RASSF5: variants seen among roughly 807,000 people sequenced by gnomAD.
RASSF5 encodes Ras association domain family member 5.
Under a neutral mutation model 40.5 loss-of-function variants are expected in RASSF5, and 25 were observed. The ratio of observed to expected loss-of-function variants is 0.62; its 90% CI spans 0.45 to 0.86. RASSF5 has a LOEUF of 0.86. RASSF5 is among the 40% of genes least tolerant of loss of function. The pLI, the probability that RASSF5 is intolerant of heterozygous loss-of-function variation, is 0.00. For missense variants in RASSF5, 521 were observed against 572.8 expected (o/e 0.91, Z 0.92); for synonymous variants, 246 against 252.4 (o/e 0.97, Z 0.24).
At chr1:206,554,951 AG>A (rs1667942873) in intron 2 of RASSF5, among the ~76,000 whole-genome samples, 1 of 152,228 alleles carries the variant, frequency 6.6e-6, no homozygotes, top group African/African-American at 2.4e-5. Flanking sequence ...GTAGGGAAAG[AG>A]ACATTAACTA....
rs1327192877 is a variant in RASSF5 at position 206,587,822 on chromosome 1, GA to G, written c.*847del. On this transcript the variant is annotated 3_prime_UTR_variant, in exon 6 of 6. Transcript: ENST00000579436. The stretch of plus-strand genomic sequence containing the variant: ...TTTAAAAAGTCTCCTGCTAAGTATG[GA>G]AATCAGACAGTAAGAGAAAGCCAAA... 6.6e-6 allele frequency: 1 copy of G among 152,494 alleles called. No homozygotes were observed. The highest frequency in any genetic ancestry group is 1.5e-5 in the Non-Finnish European group (1 of 68,068). 9.4% of individuals were successfully genotyped at this position (152,494 alleles called of 1,614,324 possible).
chr1:206,577,720 C>T (rs538671580), intron 2 of RASSF5, among the ~76,000 whole-genome samples: 70 of 152,342 alleles, frequency 4.6e-4, no homozygotes, highest in African/African-American at 1.6e-3. Flanking sequence ...ATCCAAGGCT[C>T]ACTGCACTGT....
intron 2 of RASSF5, among the ~76,000 whole-genome samples, chr1:206,554,661 C>A (rs1667935065): frequency 6.6e-6 from 1 of 152,132 alleles, no homozygotes; most frequent in Non-Finnish European, 1.5e-5. Context: ...TCCCTCTTAC[C>A]CTGGCCAAGC....
chr1:206,585,342 G>T (rs1553407407), intron 5 of RASSF5, 47 bp downstream of exon 5: 2 of 1,318,930 alleles, frequency 1.5e-6, no homozygotes, highest in South Asian at 2.4e-5. Flanking sequence ...GGCACCCTGG[G>T]TGGGTGCAGG....
chr1:206,514,972 T>G (rs1410358379), intron 1 of RASSF5, among the ~76,000 whole-genome samples: 1 of 152,222 alleles, frequency 6.6e-6, no homozygotes, highest in African/African-American at 2.4e-5. Flanking sequence ...GTAGAACTGA[T>G]GTAATCAGGG....
rs1553401111 is a variant in RASSF5, at chr1:206,552,127, G to GCACCAA, written c.579+13834_579+13835insCACCAA. Among the ~76,000 whole-genome samples, 6 of 152,194 alleles carry GCACCAA rather than the reference G, an allele frequency of 3.9e-5. No homozygotes were observed. The highest frequency in any genetic ancestry group is 1.2e-4 in the African/African-American group (5 of 41,438). On this transcript the variant is annotated intron_variant, in intron 2 of 5. Transcript: ENST00000579436. This position sits in a 1 kb window ranked among gnomAD's most constrained non-coding sequence, Gnocchi z 4.1. ...CCTGGCAGCCAATCAGAAGTGTGGT[G>GCACCAA]TGGGTTAGCACCGCTGAGAAAGTGA...
At chr1:206,541,371 T>A (rs988729299) in intron 2 of RASSF5, among the ~76,000 whole-genome samples, 5 of 152,176 alleles carry the variant, frequency 3.3e-5, no homozygotes, top group African/African-American at 1.2e-4. Flanking sequence ...ATCCCAAGGT[T>A]CTGTCTTGTC....
rs782714368 is a variant in RASSF5, at chr1:206,584,680, A to T, written c.984A>T (p.Gly328=). ...TTTTTAAGCGGATACACAAGGACGG[A>T]CAAGGTAGGAGAAAGAGTGAACCCA... The part of the protein sequence containing the change: ...FALFKRIHKD[G]QVLFQKLSIA... The change falls in exon 4 of 6, where the codon GGA becomes GGT. Residue 328 remains glycine (G), a synonymous_variant. Coordinates refer to ENST00000579436, the MANE Select transcript of RASSF5 (RefSeq NM_182663.4). This position sits in a 1 kb window ranked among gnomAD's most constrained non-coding sequence, Gnocchi z 4.9. 15 of 1,614,198 alleles carry T rather than the reference A, an allele frequency of 9.3e-6. No homozygotes were observed. The highest frequency in any genetic ancestry group is 3.3e-5 in the Admixed American group (2 of 60,014).
chr1:206,564,538 C>T (rs186711744), intron 2 of RASSF5, among the ~76,000 whole-genome samples: 1 of 152,278 alleles, frequency 6.6e-6, no homozygotes, highest in African/African-American at 2.4e-5. Flanking sequence ...GGTCTTATTG[C>T]ACACTGTCAG....
chr1:206,527,214 A>G (rs782200650), intron 1 of RASSF5, among the ~76,000 whole-genome samples: 20 of 152,152 alleles, frequency 1.3e-4, no homozygotes, highest in Non-Finnish European at 1.9e-4. Context: ...GTGTGTTTCA[A>G]GGGATCACAC....
At chr1:206,564,449 A>C (rs1480377658) in intron 2 of RASSF5, among the ~76,000 whole-genome samples, 1 of 152,172 alleles carries the variant, frequency 6.6e-6, no homozygotes, top group African/African-American at 2.4e-5. Context: ...ACAGTTTGGG[A>C]CACATAATAT....
chr1:206,526,089 G>T (rs1553397153), intron 1 of RASSF5, among the ~76,000 whole-genome samples: 2 of 152,154 alleles, frequency 1.3e-5, no homozygotes, highest in Non-Finnish European at 2.9e-5. Context: ...GAACCAAACT[G>T]GAGCTTGCTC....
chr1:206,586,119 CCT>C (rs1553407582), intron 5 of RASSF5: 2 of 152,412 alleles, frequency 1.3e-5, no homozygotes, highest in Admixed American at 1.3e-4. Flanking sequence ...CGCCACCTTC[CCT>C]GTGTGGACTT....
chr1:206,583,445 C>G (rs1422933722), intron 3 of RASSF5, 66 bp downstream of exon 3: 2 of 1,088,022 alleles, frequency 1.8e-6, no homozygotes, highest in Non-Finnish European at 2.8e-6. Context: ...GGCGCCTCTG[C>G]CCTCACTCTG....
intron 2 of RASSF5, among the ~76,000 whole-genome samples, chr1:206,570,770 G>T (rs1319040125): frequency 6.6e-6 from 1 of 152,032 alleles, no homozygotes; most frequent in Non-Finnish European, 1.5e-5. Flanking sequence ...CCATTGTATG[G>T]ACACAACACA....
chr1:206,516,769 T>A (rs1263058852), intron 1 of RASSF5, among the ~76,000 whole-genome samples: 2 of 152,170 alleles, frequency 1.3e-5, no homozygotes, highest in African/African-American at 4.8e-5. Context: ...GACTCATATT[T>A]TAAAGTTCCC....
At chr1:206,585,434 G>A (rs1466608517) in intron 5 of RASSF5, 139 bp downstream of exon 5, 15 of 675,000 alleles carry the variant, frequency 2.2e-5, no homozygotes, top group African/African-American at 2.1e-4. Flanking sequence ...GTGAGCAGGG[G>A]TGGGTGATGG....
At chr1:206,517,805 C>T (rs773773851) in intron 1 of RASSF5, among the ~76,000 whole-genome samples, 3 of 152,200 alleles carry the variant, frequency 2.0e-5, no homozygotes, top group Non-Finnish European at 4.4e-5. Context: ...AGGGTCACAT[C>T]CGCTTCTGCT....
chr1:206,535,695 GTGTGTGTCTGTGTGTGTGTGGTGTGT>G lies in RASSF5; in HGVS notation c.458-2476_458-2451del, dbSNP rs1667366587. On this transcript the variant is annotated intron_variant, in intron 1 of 5. Transcript: ENST00000579436. This position sits in a 1 kb window ranked among gnomAD's most constrained non-coding sequence, Gnocchi z 5.0. ...GGTGATGTTTTCAGGGTGTGTGTGTGTGTGTGTCTGTGTGTGTGTGGTGTGTGTGTGTGTGTGTGTGTGTGTGTGAG... is the reference window on the plus strand; with the variant it reads ...GGTGATGTTTTCAGGGTGTGTGTGTGGTGTGTGTGTGTGTGTGTGTGTGAG... Among the ~76,000 whole-genome samples, 2 of 119,310 alleles carry G rather than the reference GTGTGTGTCTGTGTGTGTGTGGTGTGT, an allele frequency of 1.7e-5. No homozygotes were observed. The highest frequency in any genetic ancestry group is 1.8e-4 in the Admixed American group (2 of 11,218). The allele number at this position is 119,310 out of a possible 152,430, so 78.3% of individuals were successfully genotyped here.
Sources: allele counts gnomAD v4.1 joint callset (sites outside exome capture counted in the v4.1 genomes callset), GRCh38; gene constraint gnomAD v4.1.1; non-coding constraint Gnocchi (gnomAD v3.1); transcripts MANE v1.5; gene names NCBI Gene and HGNC (gene_info 2026-07-23, HGNC 2026-07-21).